EDA: variants seen among roughly 807,000 people sequenced by gnomAD.
EDA encodes the protein ectodysplasin-A.
Under a neutral mutation model 23.6 loss-of-function variants are expected in EDA, and 2 were observed. The ratio of observed to expected loss-of-function variants is 0.08; its 90% CI spans 0.03 to 0.27. The LOEUF (loss-of-function observed/expected upper bound fraction) is 0.27, where lower values mean the gene tolerates loss of function less well. Among genes scored for constraint, EDA ranks in the 10% least tolerant of loss-of-function variants. EDA has a pLI of 1.00. For synonymous variants in EDA, 131 were observed against 132.0 expected (o/e 0.99, Z 0.05); for missense variants, 229 against 324.2 (o/e 0.71, Z 2.26).
At chrX:69,661,408 T>G (rs1401385478) in intron 1 of EDA, among the ~76,000 whole-genome samples, 8 of 105,489 alleles carry the variant, frequency 7.6e-5, no homozygotes, top group African/African-American at 2.8e-4. Context: ...GTTTTAGACA[T>G]GAAGTCCTTG....
chrX:69,798,340 TTATC>T (rs2015593553), intron 1 of EDA, among the ~76,000 whole-genome samples: 2 of 111,746 alleles, frequency 1.8e-5, no homozygotes, highest in Non-Finnish European at 3.8e-5. Context: ...ACAGAACAGT[TTATC>T]TAACACCTAC....
At chrX:70,025,762 G>A (rs767315349) in intron 3 of EDA, among the ~76,000 whole-genome samples, 5 of 112,055 alleles carry the variant, frequency 4.5e-5, no homozygotes, top group East Asian at 2.8e-4. Flanking sequence ...ATCTAGAAAC[G>A]GGGCAGATCC....
At chrX:69,697,825 G>T (rs1416846185) in intron 1 of EDA, among the ~76,000 whole-genome samples, 1 of 112,156 alleles carries the variant, frequency 8.9e-6, no homozygotes, top group Non-Finnish European at 1.9e-5. Flanking sequence ...GATGTTTGAA[G>T]CAATTTCTAG....
At chrX:69,856,776 G>A (rs2017265313) in intron 1 of EDA, among the ~76,000 whole-genome samples, 1 of 109,061 alleles carries the variant, frequency 9.2e-6, no homozygotes, top group Non-Finnish European at 1.9e-5. Flanking sequence ...TTAGTCCTTT[G>A]TCAGATGCAT....
At chrX:69,638,562 T>C (rs1179249512) in intron 1 of EDA, among the ~76,000 whole-genome samples, 2 of 112,099 alleles carry the variant, frequency 1.8e-5, no homozygotes, top group African/African-American at 3.2e-5. Flanking sequence ...TTTTCTCAAA[T>C]AGCATTGTGA....
chrX:69,877,975 G>A (rs903317720), intron 1 of EDA, among the ~76,000 whole-genome samples: 1 of 112,536 alleles, frequency 8.9e-6, no homozygotes, highest in Non-Finnish European at 1.9e-5. Context: ...GACCATATAT[G>A]TGTAGGTCTA....
intron 1 of EDA, among the ~76,000 whole-genome samples, chrX:69,795,187 C>T (rs1323831778): frequency 9.1e-6 from 1 of 110,207 alleles, no homozygotes; most frequent in Non-Finnish European, 1.9e-5. Context: ...CCCCACCACA[C>T]CCAGCTAATT....
chrX:69,673,585 TCAA>T (rs1344073514), intron 1 of EDA, among the ~76,000 whole-genome samples: 2 of 47,662 alleles, frequency 4.2e-5, no homozygotes, highest in Admixed American at 2.5e-4. Context: ...TTTACTGTAT[TCAA>T]AAAAAAAAAA....
chrX:69,962,320 G>A (rs1014282417), intron 2 of EDA, among the ~76,000 whole-genome samples: 3 of 112,087 alleles, frequency 2.7e-5, no homozygotes, highest in African/African-American at 9.7e-5. Context: ...GAGAAGTCAC[G>A]TACTTCTAAG....
At chrX:69,684,698 A>C (rs1446237405) in intron 1 of EDA, among the ~76,000 whole-genome samples, 2 of 112,606 alleles carry the variant, frequency 1.8e-5, no homozygotes, top group Non-Finnish European at 3.8e-5. Context: ...AATCTATGAA[A>C]ATGAATTGTT....
intron 1 of EDA, among the ~76,000 whole-genome samples, chrX:69,777,643 G>A (rs944175851): frequency 9.0e-6 from 1 of 111,097 alleles, no homozygotes; most frequent in African/African-American, 3.3e-5. Flanking sequence ...TATATGTCCT[G>A]TGGTATGACC....
At chrX:69,842,369 A>G (rs1419362004) in intron 1 of EDA, among the ~76,000 whole-genome samples, 1 of 111,635 alleles carries the variant, frequency 9.0e-6, no homozygotes, top group Non-Finnish European at 1.9e-5. Flanking sequence ...GAGTTGTATA[A>G]TGAGTTCATT....
chrX:69,979,762 T>C (rs1602582111), intron 2 of EDA, among the ~76,000 whole-genome samples: 1 of 111,800 alleles, frequency 8.9e-6, no homozygotes, highest in Non-Finnish European at 1.9e-5. Context: ...TATTAAGTTA[T>C]TTATATATTC....
At chrX:70,027,665 A>C (rs1016991064) in intron 3 of EDA, among the ~76,000 whole-genome samples, 192 bp from the exon 4 acceptor site, 1 of 110,835 alleles carries the variant, frequency 9.0e-6, no homozygotes, top group Admixed American at 9.5e-5. Context: ...TCTACTAAAA[A>C]TACAAAAATT....
intron 1 of EDA, among the ~76,000 whole-genome samples, chrX:69,619,101 C>T (rs1369176365): frequency 1.8e-5 from 2 of 111,978 alleles, no homozygotes; most frequent in Non-Finnish European, 3.8e-5. Context: ...AAGTAAACAG[C>T]CTTGTGGGAT....
Position 69,830,207 on chromosome X carries a change from A to G in EDA, c.397-126820A>G, listed in dbSNP as rs749216525. On this transcript the variant is annotated intron_variant, in intron 1 of 7. Coordinates refer to ENST00000374552, the MANE Select transcript of EDA (RefSeq NM_001399.5). ...AATTGATGTTGACAAAATGGTTTCT[A>G]TCAATAAATGAATTCTTAAATTTAC... Among the ~76,000 whole-genome samples, 210 of 111,701 alleles carry G rather than the reference A, an allele frequency of 1.9e-3. 2 individuals are homozygous for G. Among genetic ancestry groups the G allele is most frequent in the Non-Finnish European group, 3.3e-3 (173 of 53,135 alleles).
intron 1 of EDA, among the ~76,000 whole-genome samples, chrX:69,659,157 A>C (rs1391770345): frequency 2.7e-5 from 3 of 112,356 alleles, no homozygotes; most frequent in Non-Finnish European, 5.6e-5. Flanking sequence ...ATTAAATCAG[A>C]GTTTTCAGAG....
At chrX:69,715,259 A>C (rs1312865592) in intron 1 of EDA, among the ~76,000 whole-genome samples, 1 of 109,290 alleles carries the variant, frequency 9.1e-6, no homozygotes, top group East Asian at 2.9e-4. Context: ...ATCCTCAAGT[A>C]GGCCCCAGTG....
At chrX:69,697,589 A>G (rs138944754) in intron 1 of EDA, among the ~76,000 whole-genome samples, 261 of 111,882 alleles carry the variant, frequency 2.3e-3, no homozygotes, top group African/African-American at 8.2e-3. Context: ...TGCAGCAGGA[A>G]CATCATCTGG....
Sources: gnomAD v4.1 joint callset for allele counts (sites outside exome capture counted in the v4.1 genomes callset) on GRCh38, gnomAD v4.1.1 for gene constraint, MANE v1.5 for transcripts, NCBI Gene and HGNC (gene_info 2026-07-23, HGNC 2026-07-21) for gene names.